Variants in IL23R observed in about 807,000 individuals in gnomAD.
The protein encoded by IL23R is interleukin 23 receptor, also known as interleukin-23 receptor.
In IL23R, 34 loss-of-function variants were observed where a neutral mutation model predicts 56.9. The observed-to-expected ratio is 0.60, with a 90% CI of 0.45 to 0.80. IL23R has a LOEUF of 0.80. Ranked by LOEUF, IL23R falls within the 30% of genes least tolerant of loss-of-function variation. The pLI is 0.00. For missense variants in IL23R, 635 were observed against 730.0 expected (o/e 0.87, Z 1.50); for synonymous variants, 230 against 249.2 (o/e 0.92, Z 0.73).
chr1:67,141,856 C>A (rs1010453876), intron 1 of IL23R, among the ~76,000 whole-genome samples: 6 of 152,032 alleles, frequency 3.9e-5, no homozygotes, highest in Admixed American at 6.5e-5. Context: ...GAGACCCAAA[C>A]AGAGTTAAGC....
intron 4 of IL23R, among the ~76,000 whole-genome samples, chr1:67,194,839 C>T (rs531204217): frequency 8.5e-5 from 13 of 152,266 alleles, no homozygotes; most frequent in South Asian, 2.1e-4. Context: ...CATACTTTAA[C>T]AAGTTCTCTG....
chr1:67,162,652 G>A (rs559000333), upstream of IL23R, among the ~76,000 whole-genome samples: 3 of 152,282 alleles, frequency 2.0e-5, no homozygotes, highest in South Asian at 6.2e-4. Flanking sequence ...ATATCTATAT[G>A]ACAGGAAAAG....
At chr1:67,142,578 T>G (rs1036654690) in intron 1 of IL23R, among the ~76,000 whole-genome samples, 4 of 152,168 alleles carry the variant, frequency 2.6e-5, no homozygotes, top group African/African-American at 9.7e-5. Flanking sequence ...TATTTTTTAT[T>G]TTTTGAGGCA....
At chr1:67,208,217 A>G (rs916003464) in intron 6 of IL23R, among the ~76,000 whole-genome samples, 2 of 152,248 alleles carry the variant, frequency 1.3e-5, no homozygotes, top group African/African-American at 4.8e-5. Context: ...GAAACAGAAC[A>G]TAAAAGTTCA....
intron 1 of IL23R, among the ~76,000 whole-genome samples, chr1:67,167,379 C>T (rs532718717): frequency 4.3e-4 from 65 of 152,306 alleles, no homozygotes; most frequent in Middle Eastern, 3.4e-3. Context: ...CCAGATGAAA[C>T]GCTTTTTAGA....
At chr1:67,172,560 A>G (rs2102561191) in intron 3 of IL23R, among the ~76,000 whole-genome samples, 1 of 152,360 alleles carries the variant, frequency 6.6e-6, no homozygotes, top group Non-Finnish European at 1.5e-5. Flanking sequence ...CAATCATGGG[A>G]TAAAATACAA....
At chr1:67,153,867 T>A (rs1011391165) in intron 1 of IL23R, among the ~76,000 whole-genome samples, 3 of 151,886 alleles carry the variant, frequency 2.0e-5, no homozygotes, top group Non-Finnish European at 4.4e-5. Context: ...CCAGGTTCAC[T>A]CCATTCTCCT....
chr1:67,189,247 T>A (rs986880351), intron 4 of IL23R, among the ~76,000 whole-genome samples: 1 of 152,166 alleles, frequency 6.6e-6, no homozygotes, highest in Non-Finnish European at 1.5e-5. Flanking sequence ...GAATGGGGCC[T>A]GACACATAGT....
chr1:67,220,946 G>A (rs971281888), intron 7 of IL23R, among the ~76,000 whole-genome samples: 5 of 152,224 alleles, frequency 3.3e-5, no homozygotes, highest in African/African-American at 1.2e-4. Flanking sequence ...AGAATGCAGT[G>A]AGCCACGTTC....
At position 67,240,239 on chromosome 1, in the gene IL23R, T is replaced by C; in HGVS notation, c.1106T>C (p.Ile369Thr). ...ATCGTCTTTGCTGTTATGTTGTCAA[T>C]TCTTTCTTTGATTGGGATATTTAAC... ...GMIVFAVMLS[I>T]LSLIGIFNRS... The change falls in exon 9 of 11, where the codon ATT (isoleucine) becomes ACT (threonine). Residue 369 changes from isoleucine to threonine, a missense_variant. Ile to Thr is a moderately conservative substitution (Grantham distance 89). Transcript: ENST00000347310. 2 of 1,613,542 alleles carry C rather than the reference T, an allele frequency of 1.2e-6. No homozygotes were observed. Among genetic ancestry groups the C allele is most frequent in the South Asian group, 2.2e-5 (2 of 91,068 alleles).
At chr1:67,167,338 T>G (rs1646885607) in intron 1 of IL23R, among the ~76,000 whole-genome samples, 1 of 152,236 alleles carries the variant, frequency 6.6e-6, no homozygotes, top group South Asian at 2.1e-4. Flanking sequence ...CCCAAAGTGC[T>G]GGGATTACAG....
chr1:67,212,540 A>C lies in IL23R; in HGVS notation c.798+5485A>C, dbSNP rs1055336972. On this transcript the variant is annotated intron_variant, in intron 6 of 10. Coordinates refer to ENST00000347310, the MANE Select transcript of IL23R (RefSeq NM_144701.3). The stretch of plus-strand genomic sequence containing the variant: ...TGGCTCTGCTACTTTCTAGTCATGC[A>C]ATCTTTTTTTTTTTTTTCCTTTTGA... Among the ~76,000 whole-genome samples, 6 of 90,610 alleles carry C rather than the reference A, an allele frequency of 6.6e-5. No individual in the cohort carries two copies. The Admixed American group carries it at 9.8e-4, about 15-fold the overall frequency. 59.4% of individuals were successfully genotyped at this position (90,610 alleles called of 152,430 possible). A position where few individuals can be genotyped will look rare whatever the true frequency, so the allele number is the denominator to read the frequency against.
At chr1:67,231,584 T>C (rs1167109009) in intron 7 of IL23R, among the ~76,000 whole-genome samples, 1 of 152,282 alleles carries the variant, frequency 6.6e-6, no homozygotes, top group Non-Finnish European at 1.5e-5. Context: ...GAGTCTGCAG[T>C]TGGTGTTTGA....
At chr1:67,160,539 T>A (rs1418903861) in intron 1 of IL23R, among the ~76,000 whole-genome samples, 1 of 152,248 alleles carries the variant, frequency 6.6e-6, no homozygotes, top group Non-Finnish European at 1.5e-5. Context: ...CAGACTATCT[T>A]ATTGATATCT....
chr1:67,242,040 G>A (rs1651888184), intron 9 of IL23R, among the ~76,000 whole-genome samples: 1 of 152,140 alleles, frequency 6.6e-6, no homozygotes, highest in African/African-American at 2.4e-5. Flanking sequence ...AAAGTTTTTT[G>A]TGTAACCATA....
intron 6 of IL23R, among the ~76,000 whole-genome samples, chr1:67,218,324 ATATGTGTG>A (rs1166324029): frequency 2.2e-4 from 26 of 120,382 alleles, no homozygotes; most frequent in Non-Finnish European, 3.0e-4. Flanking sequence ...ACATATATGC[ATATGTGTG>A]TGTGTGTGTG....
rs562274550 is a variant in IL23R at position 67,148,002 on chromosome 1, T to G, written c.-634+8841T>G. Among the ~76,000 whole-genome samples the G allele has an allele frequency of 3.2e-3, 487 of 152,270 alleles. 5 individuals are homozygous for G. The highest frequency in any genetic ancestry group is 0.012 in the African/African-American group (479 of 41,562). ...AGGAATGGAACCTTGAGCCATGTGGTGAGTGTTATAGCTCTATTAGAAGCC... is the reference window on the plus strand; with the variant it reads ...AGGAATGGAACCTTGAGCCATGTGGGGAGTGTTATAGCTCTATTAGAAGCC... On this transcript the variant is annotated intron_variant, in intron 1 of 10. Coordinates refer to the IL23R transcript ENST00000637002.
At chr1:67,178,586 T>A (rs951394719) in intron 3 of IL23R, among the ~76,000 whole-genome samples, 42 of 152,330 alleles carry the variant, frequency 2.8e-4, no homozygotes, top group African/African-American at 8.9e-4. Flanking sequence ...TGACTTCCTC[T>A]TTTCCTAATT....
chr1:67,152,016 G>C (rs1318977700), intron 1 of IL23R, among the ~76,000 whole-genome samples: 1 of 152,182 alleles, frequency 6.6e-6, no homozygotes, highest in Non-Finnish European at 1.5e-5. Context: ...ATGGTAGTTG[G>C]ATGGGAATAG....
Sources: allele counts gnomAD v4.1 joint callset (sites outside exome capture counted in the v4.1 genomes callset), GRCh38; gene constraint gnomAD v4.1.1; transcripts MANE v1.5; gene names NCBI Gene and HGNC (gene_info 2026-07-23, HGNC 2026-07-21).